DDX46: variants seen among roughly 807,000 people sequenced by gnomAD.
The protein encoded by DDX46 is probable ATP-dependent RNA helicase DDX46.
DDX46 carries 30 observed loss-of-function variants against 134.9 expected under a neutral mutation model. The ratio of observed to expected loss-of-function variants is 0.22; its 90% confidence interval spans 0.17 to 0.30. The LOEUF (loss-of-function observed/expected upper bound fraction) is 0.30, where lower values mean the gene tolerates loss of function less well. Ranked by LOEUF, DDX46 falls within the 10% of genes least tolerant of loss-of-function variation. The pLI, the probability that DDX46 is intolerant of heterozygous loss-of-function variation, is 1.00. For missense variants in DDX46, 622 were observed against 1,248.7 expected (o/e 0.50, Z 7.56); for synonymous variants, 415 against 404.1 (o/e 1.03, Z -0.32).
intron 21 of DDX46, among the ~76,000 whole-genome samples, chr5:134,821,125 C>T (rs956267845): frequency 4.0e-5 from 6 of 151,556 alleles, no homozygotes; most frequent in Non-Finnish European, 7.4e-5. Context: ...GCCAGCTCCG[C>T]CTCCCGGGTT....
intron 19 of DDX46, 185 bp downstream of exon 19, chr5:134,816,791 G>A: frequency 1.6e-6 from 1 of 606,798 alleles, no homozygotes; most frequent in Non-Finnish European, 2.7e-6. Flanking sequence ...TATTGACTGA[G>A]GACTTTGGGC....
intron 2 of DDX46, 128 bp downstream of exon 2, chr5:134,764,220 C>G: frequency 1.2e-6 from 1 of 845,504 alleles, no homozygotes; most frequent in Non-Finnish European, 1.8e-6. Flanking sequence ...TCTTTATCCC[C>G]TACTTGTTTG....
rs574328485 is a variant in DDX46, at chr5:134,793,020, G to A, written c.1627-1830G>A. Among the ~76,000 whole-genome samples the A allele has an allele frequency of 2.6e-5, 4 of 152,186 alleles. No individual in the cohort carries two copies. In the South Asian group the frequency reaches 8.3e-4, roughly 32 times the overall value. ...AAAAATATAAAAATTAGCTGGGTGTGGGGGCATGCGCCTATCGTCCCAGCT... is the reference window on the plus strand; with the variant it reads ...AAAAATATAAAAATTAGCTGGGTGTAGGGGCATGCGCCTATCGTCCCAGCT... On this transcript the variant is annotated intron_variant, in intron 13 of 22. Coordinates refer to ENST00000452510, the MANE Select transcript of DDX46 (RefSeq NM_001300860.2).
intron 22 of DDX46, among the ~76,000 whole-genome samples, chr5:134,827,430 G>A (rs1314142854): frequency 2.0e-5 from 3 of 151,914 alleles, no homozygotes; most frequent in African/African-American, 7.2e-5. Context: ...GCACACCACC[G>A]CATCTGGCTA....
intron 13 of DDX46, among the ~76,000 whole-genome samples, chr5:134,793,026 A>G (rs1754549527): frequency 6.6e-6 from 1 of 152,098 alleles, no homozygotes; most frequent in Non-Finnish European, 1.5e-5. Flanking sequence ...GTGTGGGGGC[A>G]TGCGCCTATC....
rs751855521 is a variant in DDX46 at position 134,767,054 on chromosome 5, A to G, written c.344A>G (p.Glu115Gly). The G allele has an allele frequency of 1.9e-6, 3 of 1,612,976 alleles. No individual in the cohort carries two copies. The highest frequency in any genetic ancestry group is 2.5e-6 in the Non-Finnish European group (3 of 1,179,714). The change falls in exon 3 of 23, where the codon GAG becomes GGG. Residue 115 changes from glutamate (E) to glycine (G), a missense_variant. Around this residue, in one of 8 missense-constraint regions of DDX46, gnomAD observed 244 missense variants for 349.3 expected, o/e 0.70. Coordinates refer to ENST00000452510, the MANE Select transcript of DDX46 (RefSeq NM_001300860.2). ...CCTGGAAATAAAAGCAAGAAAACTGAGAATAGGTAATGTTATCATTGGGCT... is the reference window on the plus strand; with the variant it reads ...CCTGGAAATAAAAGCAAGAAAACTGGGAATAGGTAATGTTATCATTGGGCT... Reference protein sequence around the residue: ...SSPGNKSKKTENRSRSKEKTD... With the variant: ...SSPGNKSKKTGNRSRSKEKTD...
chr5:134,767,086 A>G (rs373378730), intron 3 of DDX46, 26 bp downstream of exon 3: 99 of 1,595,114 alleles, frequency 6.2e-5, no homozygotes, highest in Middle Eastern at 1.7e-4. Flanking sequence ...GGCTGCATCT[A>G]TAGTGCAGAC....
intron 5 of DDX46, among the ~76,000 whole-genome samples, chr5:134,776,764 T>C (rs1322198471): frequency 6.7e-6 from 1 of 148,958 alleles, no homozygotes; most frequent in Non-Finnish European, 1.5e-5. Context: ...AATACAAAAA[T>C]TAGCTGAGTA....
intron 17 of DDX46, 150 bp from the exon 18 acceptor site, chr5:134,811,546 T>A: frequency 8.9e-7 from 1 of 1,126,354 alleles, no homozygotes; most frequent in Non-Finnish European, 1.2e-6. Flanking sequence ...TTTTGTGGTG[T>A]CTATGTAGAG....
intron 21 of DDX46, among the ~76,000 whole-genome samples, chr5:134,825,020 C>G (rs1178727874): frequency 1.3e-5 from 2 of 152,158 alleles, no homozygotes; most frequent in East Asian, 3.9e-4. Flanking sequence ...AGGAAATGCC[C>G]TTTTTTTCAT....
At chr5:134,797,167 CAAAAA>C (rs61547263) in intron 15 of DDX46, 551 of 22,818 alleles carry the variant, frequency 0.024, 1 homozygote, top group African/African-American at 0.078. Flanking sequence ...AACTCCGTCT[CAAAAA>C]AAAAAAAAAA....
chr5:134,790,590 T>A (rs772640149), intron 13 of DDX46, 38 bp downstream of exon 13: 1 of 1,542,700 alleles, frequency 6.5e-7, no homozygotes, highest in South Asian at 1.2e-5. Flanking sequence ...GAAATGTAAA[T>A]ATAACTTTGT....
At chr5:134,816,331 C>T (rs1214995207) in intron 18 of DDX46, 99 bp from the exon 19 acceptor site, 6 of 1,136,272 alleles carry the variant, frequency 5.3e-6, no homozygotes, top group Non-Finnish European at 7.3e-6. Context: ...CTGATTCCAG[C>T]CTTTTGGTGG....
In DDX46 at chr5:134,817,534, T is replaced by C. The variant is rs374910766; in HGVS notation, c.2652T>C (p.Gly884=). The C allele has an allele frequency of 6.2e-7, 1 of 1,613,960 alleles. No individual in the cohort carries two copies. Among genetic ancestry groups the C allele is most frequent in the Non-Finnish European group, 8.5e-7 (1 of 1,180,018 alleles). The change falls in exon 20 of 23, where the codon GGT becomes GGC. Residue 884 remains glycine (G), a synonymous_variant. Transcript: ENST00000452510. ...MQQATNAILR[G]GTILAPTVSA... is the part of the protein sequence containing the mutation. ...AGGCCACCAATGCAATTCTTAGGGG[T>C]GGCACCATTCTGGCTCCCACTGTTT...
intron 10 of DDX46, among the ~76,000 whole-genome samples, chr5:134,785,088 T>C (rs1754289728): frequency 6.6e-6 from 1 of 152,204 alleles, no homozygotes; most frequent in Non-Finnish European, 1.5e-5. Flanking sequence ...CCTCTGTCTG[T>C]GCCCCTCAGA....
chr5:134,817,443 T>G, intron 19 of DDX46, 53 bp from the exon 20 acceptor site: 4 of 1,555,044 alleles, frequency 2.6e-6, no homozygotes, highest in Non-Finnish European at 3.5e-6. Context: ...GTGTGGTCCC[T>G]ACTCTTGTCT....
At position 134,831,018 on chromosome 5, in the gene DDX46, CTT is replaced by C. The variant is rs1159074050; in HGVS notation, c.*2315_*2316del. On this transcript the variant is annotated 3_prime_UTR_variant, in exon 23 of 23. Coordinates refer to ENST00000452510, the MANE Select transcript of DDX46 (RefSeq NM_001300860.2). ...AGTACATTTTTTAGTGTCACACTGA[CTT>C]TTAAAATTTGAATGATATATAGACT... 4 of 152,466 alleles carry C rather than the reference CTT, an allele frequency of 2.6e-5. No individual in the cohort carries two copies. The highest frequency in any genetic ancestry group is 2.1e-4 in the South Asian group (1 of 4,814). 9.4% of individuals were successfully genotyped at this position (152,466 alleles called of 1,614,324 possible). A position where few individuals can be genotyped will look rare whatever the true frequency, so the allele number is the denominator to read the frequency against.
intron 13 of DDX46, among the ~76,000 whole-genome samples, chr5:134,794,055 G>A (rs944656023): frequency 6.6e-6 from 1 of 152,110 alleles, no homozygotes; most frequent in African/African-American, 2.4e-5. Context: ...TGAGAGGTCC[G>A]GGCTTGTAGT....
chr5:134,770,207 T>TA (rs1321040336), intron 3 of DDX46, among the ~76,000 whole-genome samples: 1 of 151,110 alleles, frequency 6.6e-6, no homozygotes, highest in East Asian at 1.9e-4. Flanking sequence ...AAATTTTTTT[T>TA]TTTTTTTTTT....
Sources: gnomAD v4.1 joint callset for allele counts (sites outside exome capture counted in the v4.1 genomes callset) on GRCh38, gnomAD v4.1.1 for gene constraint, gnomAD v4.1.1 regional missense constraint, MANE v1.5 for transcripts, NCBI Gene and HGNC (gene_info 2026-07-23, HGNC 2026-07-21) for gene names.